PTPN9: variants seen among roughly 807,000 people sequenced by gnomAD.
PTPN9 encodes the protein tyrosine-protein phosphatase non-receptor type 9.
Under a neutral mutation model 69.8 loss-of-function variants are expected in PTPN9, and 26 were observed. That is an observed-to-expected ratio of 0.37 (90% CI 0.27 to 0.52). PTPN9 has a LOEUF of 0.52. Ranked by LOEUF, PTPN9 falls within the 20% of genes least tolerant of loss-of-function variation. The pLI is 0.91. For synonymous variants in PTPN9, 274 were observed against 272.5 expected, an observed-to-expected ratio of 1.01 and a Z score of -0.05; for missense variants, 549 against 740.3, an observed-to-expected ratio of 0.74 and a Z score of 3.00.
At position 75,578,734 on chromosome 15, in the gene PTPN9, G is replaced by A. The variant is rs1415136038; in HGVS notation, c.43C>T (p.Leu15=). The A allele has an allele frequency of 7.5e-7, 1 of 1,334,386 alleles. No homozygotes were observed. The highest frequency in any genetic ancestry group is 9.6e-7 in the Non-Finnish European group (1 of 1,040,838). 82.7% of individuals were successfully genotyped at this position (1,334,386 alleles called of 1,614,324 possible). The change falls in exon 1 of 13, where the codon CTG becomes TTG. Residue 15 remains leucine (L), a synonymous_variant. Transcript: ENST00000618819. ...TAPRPDMAPE[L]TPEEEQATKQ... Reference sequence around the variant, plus strand: ...CTTACCTGCTCCTCCTCCGGGGTCAGCTCCGGCGCCATGTCGGGCCGGGGC... The same window carrying A: ...CTTACCTGCTCCTCCTCCGGGGTCAACTCCGGCGCCATGTCGGGCCGGGGC...
intron 1 of PTPN9, among the ~76,000 whole-genome samples, chr15:75,561,986 G>C (rs2141341203): frequency 6.6e-6 from 1 of 152,254 alleles, no homozygotes; most frequent in East Asian, 1.9e-4. Flanking sequence ...GGCATTACAG[G>C]TGTGAGCCAC....
chr15:75,506,124 G>T, intron 6 of PTPN9, 121 bp from the exon 7 acceptor site: 1 of 760,352 alleles, frequency 1.3e-6, no homozygotes, highest in East Asian at 2.7e-5. Flanking sequence ...TGAAATACAA[G>T]GTATACTTGT....
chr15:75,529,222 T>C (rs559473605), intron 1 of PTPN9, among the ~76,000 whole-genome samples: 1 of 152,040 alleles, frequency 6.6e-6, no homozygotes, highest in African/African-American at 2.4e-5. Context: ...CCTGACCTCA[T>C]GATCCGTCCG....
Position 75,465,178 on chromosome 15 carries a change from A to G in PTPN9, c.*3591T>C, listed in dbSNP as rs1014937025. The G allele has an allele frequency of 2.0e-5, 3 of 152,060 alleles. No homozygotes were observed. Among genetic ancestry groups the G allele is most frequent in the Admixed American group, 6.6e-5 (1 of 15,256 alleles). 9.4% of individuals were successfully genotyped at this position (152,060 alleles called of 1,614,324 possible). A position where few individuals can be genotyped will look rare whatever the true frequency, so the allele number is the denominator to read the frequency against. On this transcript the variant is annotated 3_prime_UTR_variant, in exon 13 of 13. Coordinates refer to ENST00000618819, the MANE Select transcript of PTPN9 (RefSeq NM_002833.4). ...GAGTGCAATGGCGCGATCTCGGCTC[A>G]TTGCAACCTCTGCCTCCCAGATTCA... is the stretch of plus-strand genomic sequence containing the variant.
In PTPN9 at chr15:75,465,631, G is replaced by A. The variant is rs1315712439; in HGVS notation, c.*3138C>T. 6.6e-6 allele frequency: 1 copy of A among 151,974 alleles called. No individual in the cohort carries two copies. The highest frequency in any genetic ancestry group is 1.9e-4 in the East Asian group (1 of 5,188). 9.4% of individuals were successfully genotyped at this position (151,974 alleles called of 1,614,324 possible). Reference sequence around the variant, plus strand: ...ACATCAATTTGTTAACTCTCTATAGGGTCAGAAACATGAACTAAATCTATG... The same window carrying A: ...ACATCAATTTGTTAACTCTCTATAGAGTCAGAAACATGAACTAAATCTATG... On this transcript the variant is annotated 3_prime_UTR_variant, in exon 13 of 13. Coordinates refer to ENST00000618819, the MANE Select transcript of PTPN9 (RefSeq NM_002833.4).
intron 8 of PTPN9, among the ~76,000 whole-genome samples, chr15:75,484,214 ACT>A (rs1369720084): frequency 6.6e-6 from 1 of 152,140 alleles, no homozygotes; most frequent in African/African-American, 2.4e-5. Flanking sequence ...GAACTATATA[ACT>A]CAATAGAAAC....
intron 7 of PTPN9, among the ~76,000 whole-genome samples, chr15:75,494,602 C>T (rs550399442): frequency 7.2e-5 from 11 of 152,154 alleles, no homozygotes; most frequent in African/African-American, 2.4e-4. Flanking sequence ...ATCTGCCCTC[C>T]TCAGCCTCCC....
intron 1 of PTPN9, among the ~76,000 whole-genome samples, chr15:75,539,363 G>C (rs892650186): frequency 6.6e-6 from 1 of 151,330 alleles, no homozygotes; most frequent in Non-Finnish European, 1.5e-5. Flanking sequence ...ACCCAGGCTG[G>C]AGTGCAATCG....
chr15:75,503,572 C>G (rs1486448066), intron 7 of PTPN9, among the ~76,000 whole-genome samples: 1 of 101,384 alleles, frequency 9.9e-6, no homozygotes, highest in South Asian at 3.1e-4. Flanking sequence ...GCCCGGCCAG[C>G]CGCTCCGTCC....
rs1595943173 is a variant in PTPN9, at chr15:75,466,230, A to T, written c.*2539T>A. ...CAAAAGGTTGTTGAGGGTGAATGAG[A>T]TGATACCTAGAAATTACTCTGAACA... On this transcript the variant is annotated 3_prime_UTR_variant, in exon 13 of 13. Coordinates refer to ENST00000618819, the MANE Select transcript of PTPN9 (RefSeq NM_002833.4). 1 of 152,162 alleles carries T rather than the reference A, an allele frequency of 6.6e-6. No homozygotes were observed. The highest frequency in any genetic ancestry group is 2.4e-5 in the African/African-American group (1 of 41,414). 9.4% of individuals were successfully genotyped at this position (152,162 alleles called of 1,614,324 possible).
At position 75,467,827 on chromosome 15, in the gene PTPN9, G is replaced by A. The variant is rs1197536011; in HGVS notation, c.*942C>T. ...GAGAGAGTATGGAATCACAGTGGAG[G>A]TCTGTTCCCCAAATTGGCCAAGTAA... On this transcript the variant is annotated 3_prime_UTR_variant, in exon 13 of 13. Transcript: ENST00000618819. The A allele has an allele frequency of 6.6e-6, 1 of 152,632 alleles. No individual in the cohort carries two copies. The highest frequency in any genetic ancestry group is 1.5e-5 in the Non-Finnish European group (1 of 68,062). The allele number at this position is 152,632 out of a possible 1,614,324, so 9.5% of individuals were successfully genotyped here.
At chr15:75,522,169 G>A (rs1376092145) in intron 4 of PTPN9, among the ~76,000 whole-genome samples, 2 of 152,266 alleles carry the variant, frequency 1.3e-5, no homozygotes, top group Middle Eastern at 6.8e-3. Context: ...GAACCAGCTG[G>A]ACTAACATAT....
intron 1 of PTPN9, among the ~76,000 whole-genome samples, chr15:75,545,289 C>T (rs1348705865): frequency 1.3e-5 from 2 of 152,106 alleles, no homozygotes; most frequent in South Asian, 2.1e-4. Flanking sequence ...AGGAGAGGGC[C>T]GAGCATGGTG....
intron 5 of PTPN9, among the ~76,000 whole-genome samples, chr15:75,516,647 A>C (rs1254257293): frequency 3.3e-5 from 5 of 151,270 alleles, no homozygotes; most frequent in African/African-American, 7.3e-5. Flanking sequence ...CCTTATACAC[A>C]TAAGTATGCC....
intron 9 of PTPN9, among the ~76,000 whole-genome samples, chr15:75,474,099 CT>C (rs751057386): frequency 2.1e-4 from 32 of 152,218 alleles, no homozygotes; most frequent in Non-Finnish European, 4.0e-4. Flanking sequence ...CTGTAAGAAT[CT>C]CTAGCTGTTT....
intron 1 of PTPN9, among the ~76,000 whole-genome samples, chr15:75,554,192 A>G (rs925456909): frequency 7.5e-5 from 11 of 146,300 alleles, no homozygotes; most frequent in African/African-American, 2.8e-4. Context: ...CTGAAAAAAG[A>G]AAAAAAAATT....
At position 75,530,705 on chromosome 15, in the gene PTPN9, ATATTATTATATAATATATATAATATATAT is replaced by A. The variant is rs1202768968; in HGVS notation, c.64-3473_64-3445del. On this transcript the variant is annotated intron_variant, in intron 1 of 12. Transcript: ENST00000618819. The stretch of plus-strand genomic sequence containing the variant: ...TATTATATTATAATATATATAATAT[ATATTATTATATAATATATATAATATATAT>A]TATTATATAATATATATAATATAAT... 2.7e-4 allele frequency among the ~76,000 whole-genome samples: 7 copies of A among 25,978 alleles called. 2 individuals are homozygous for A. The highest frequency in any genetic ancestry group is 2.2e-3 in the African/African-American group (7 of 3,248). 17.0% of individuals were successfully genotyped at this position (25,978 alleles called of 152,430 possible).
intron 1 of PTPN9, among the ~76,000 whole-genome samples, chr15:75,543,340 C>G (rs963267746): frequency 1.3e-5 from 2 of 152,120 alleles, no homozygotes; most frequent in Non-Finnish European, 2.9e-5. Flanking sequence ...ACATCATACT[C>G]AACACTGACA....
intron 1 of PTPN9, among the ~76,000 whole-genome samples, chr15:75,544,887 T>C (rs1332878853): frequency 1.3e-5 from 2 of 152,094 alleles, no homozygotes; most frequent in African/African-American, 4.8e-5. Flanking sequence ...TGTGAGGAAA[T>C]TGAAGTTGGC....
Sources: allele counts gnomAD v4.1 joint callset (sites outside exome capture counted in the v4.1 genomes callset), GRCh38; gene constraint gnomAD v4.1.1; transcripts MANE v1.5; gene names NCBI Gene and HGNC (gene_info 2026-07-23, HGNC 2026-07-21).